ANKS6: variants seen among roughly 807,000 people sequenced by gnomAD.
ANKS6 encodes the protein ankyrin repeat and SAM domain-containing protein 6.
Under a neutral mutation model 77.9 loss-of-function variants are expected in ANKS6, and 47 were observed. The observed-to-expected ratio is 0.60, with a 90% confidence interval of 0.48 to 0.77. ANKS6 has a LOEUF of 0.77. Ranked by LOEUF, ANKS6 falls within the 30% of genes least tolerant of loss-of-function variation. The probability of loss-of-function intolerance (pLI) is 0.00; values close to 1 mark genes in which losing one functional copy is unlikely to be tolerated. For synonymous variants in ANKS6, 488 were observed against 501.7 expected (o/e 0.97, Z 0.37); for missense variants, 1,150 against 1,159.1 (o/e 0.99, Z 0.11).
chr9:98,790,544 T>C lies in ANKS6; in HGVS notation c.422A>G (p.Asn141Ser). ...AGTGAGCACACTGGCCCCCAGCCGG[T>C]TCTGGGCATTGACATCAGCCCCGTG... ...LDHGADVNAQ[N>S]RLGASVLTVA... The change falls in exon 2 of 15, where the codon AAC becomes AGC. Residue 141 changes from asparagine to serine, a missense_variant. Physicochemically the swap from Asn to Ser is conservative, Grantham distance 46 (BLOSUM62 1). Coordinates refer to ENST00000353234, the MANE Select transcript of ANKS6 (RefSeq NM_173551.5). The C allele has an allele frequency of 6.2e-7, 1 of 1,612,638 alleles. No individual in the cohort carries two copies. Among genetic ancestry groups the C allele is most frequent in the East Asian group, 2.2e-5 (1 of 44,808 alleles).
At chr9:98,787,177 C>A (rs929514997) in intron 2 of ANKS6, among the ~76,000 whole-genome samples, 1 of 152,140 alleles carries the variant, frequency 6.6e-6, no homozygotes, top group Non-Finnish European at 1.5e-5. Flanking sequence ...TTATTTATTT[C>A]ATAATCTGTC....
intron 11 of ANKS6, among the ~76,000 whole-genome samples, chr9:98,759,778 G>T (rs2117952941): frequency 6.6e-6 from 1 of 152,238 alleles, no homozygotes; most frequent in Non-Finnish European, 1.5e-5. Flanking sequence ...CTCATATGTG[G>T]AAGCTTAAAA....
chr9:98,745,811 T>C (rs1455730057), intron 13 of ANKS6, 136 bp from the exon 14 acceptor site: 4 of 662,912 alleles, frequency 6.0e-6, no homozygotes, highest in Non-Finnish European at 7.9e-6. Flanking sequence ...TTCTAAGTCC[T>C]GACTTTATGT....
At chr9:98,758,652 A>C (rs916115457) in intron 11 of ANKS6, among the ~76,000 whole-genome samples, 1 of 152,234 alleles carries the variant, frequency 6.6e-6, no homozygotes, top group Admixed American at 6.5e-5. Context: ...CTGTGTATTT[A>C]AAAGCATGCA....
chr9:98,754,476 C>T (rs1730268564), intron 12 of ANKS6, among the ~76,000 whole-genome samples: 1 of 151,938 alleles, frequency 6.6e-6, no homozygotes, highest in South Asian at 2.1e-4. Context: ...CCCGTCTCTA[C>T]TAATAATACA....
rs1835176354 is a variant in ANKS6, at chr9:98,796,344, C to G, written c.148G>C (p.Ala50Pro). ...CCGGGCCCGGCCACCTCGGCCCCCG[C>G]CGGCTCCGCGCCCGCCTCCGGCTCC... ...GAEPEAGAEP[A>P]GAEVAGPGAA... is the part of the protein sequence containing the mutation. Residue 50 changes from alanine (A) to proline (P), a missense_variant, in exon 1 of 15, where the codon GCG becomes CCG. Physicochemically the swap from Ala to Pro is conservative, Grantham distance 27. Transcript: ENST00000353234. The G allele has an allele frequency of 8.5e-7, 1 of 1,173,206 alleles. No homozygotes were observed. Among genetic ancestry groups the G allele is most frequent in the Non-Finnish European group, 1.1e-6 (1 of 951,622 alleles). The allele number at this position is 1,173,206 out of a possible 1,614,324, so 72.7% of individuals were successfully genotyped here. A position where few individuals can be genotyped will look rare whatever the true frequency, so the allele number is the denominator to read the frequency against.
intron 12 of ANKS6, 123 bp from the exon 13 acceptor site, chr9:98,751,219 G>C (rs1026627622): frequency 1.2e-6 from 1 of 806,778 alleles, no homozygotes; most frequent in Non-Finnish European, 1.9e-6. Context: ...CACCAACACA[G>C]AAAGCTGATC....
At chr9:98,794,232 G>A (rs1835059562) in intron 1 of ANKS6, among the ~76,000 whole-genome samples, 1 of 151,794 alleles carries the variant, frequency 6.6e-6, no homozygotes. Flanking sequence ...CAAAGGCACA[G>A]GGTGTCTAAT....
At chr9:98,779,015 G>A (rs907818889) in intron 6 of ANKS6, among the ~76,000 whole-genome samples, 1 of 152,186 alleles carries the variant, frequency 6.6e-6, no homozygotes, top group Admixed American at 6.5e-5. Context: ...CCTGCCTGTG[G>A]AAATGGCAGT....
chr9:98,754,133 G>A (rs971571820), intron 12 of ANKS6, among the ~76,000 whole-genome samples: 3 of 152,240 alleles, frequency 2.0e-5, no homozygotes, highest in East Asian at 3.9e-4. Context: ...GTATCCCTGT[G>A]AGTTCCCCTG....
chr9:98,784,495 C>T (rs1834457944), intron 3 of ANKS6: 1 of 395,648 alleles, frequency 2.5e-6, no homozygotes, highest in African/African-American at 2.0e-5. Context: ...TTCCTGGAAG[C>T]AGGGTCTATA....
Position 98,733,195 on chromosome 9 carries a change from G to C in ANKS6, c.*3324C>G. On this transcript the variant is annotated 3_prime_UTR_variant, in exon 15 of 15. Coordinates refer to ENST00000353234, the MANE Select transcript of ANKS6 (RefSeq NM_173551.5). Reference sequence around the variant, plus strand: ...CAGGGTAGATGCTCAGTAAACGTTCGGTAAACAAAAGAATTAAAAAATAAA... The same window carrying C: ...CAGGGTAGATGCTCAGTAAACGTTCCGTAAACAAAAGAATTAAAAAATAAA... 4 of 984,914 alleles carry C rather than the reference G, an allele frequency of 4.1e-6. No homozygotes were observed. The highest frequency in any genetic ancestry group is 4.8e-6 in the Non-Finnish European group (4 of 829,516). 61.0% of individuals were successfully genotyped at this position (984,914 alleles called of 1,614,324 possible). A position where few individuals can be genotyped will look rare whatever the true frequency, so the allele number is the denominator to read the frequency against.
rs777789448 is a variant in ANKS6 at position 98,790,188 on chromosome 9, T to C, written c.778A>G (p.Thr260Ala). ...CAGTCCAGTGCAACCTCGAAGGCGG[T>C]CTTCTCCAGCACGCTGAGGTGGTCA... ...NPDHLSVLEKTAFEVALDCKH... is the reference protein window; with the variant it reads ...NPDHLSVLEKAAFEVALDCKH... The change falls in exon 2 of 15, where the codon ACC becomes GCC. Residue 260 changes from threonine to alanine, a missense_variant. By Grantham distance (58) the Thr-to-Ala change is moderately conservative. Transcript: ENST00000353234. 2.5e-6 allele frequency: 4 copies of C among 1,602,604 alleles called. No individual in the cohort carries two copies. Among genetic ancestry groups the C allele is most frequent in the South Asian group, 2.2e-5 (2 of 90,752 alleles).
Position 98,777,695 on chromosome 9 carries a change from T to C in ANKS6, c.1568-241A>G, listed in dbSNP as rs183765218. Reference sequence around the variant, plus strand: ...TCAGACAGTGGTGCCCCCAGCTCAATAGTCTGTCTCAGACAGTGGTGCCAA... The same window carrying C: ...TCAGACAGTGGTGCCCCCAGCTCAACAGTCTGTCTCAGACAGTGGTGCCAA... On this transcript the variant is annotated intron_variant, in intron 7 of 14. Coordinates refer to ENST00000353234, the MANE Select transcript of ANKS6 (RefSeq NM_173551.5). Among the ~76,000 whole-genome samples, 5 of 152,302 alleles carry C rather than the reference T, an allele frequency of 3.3e-5. No homozygotes were observed. In the East Asian group the frequency reaches 5.8e-4, roughly 18 times the overall value.
intron 14 of ANKS6, among the ~76,000 whole-genome samples, chr9:98,738,955 G>A (rs1831656665): frequency 6.6e-6 from 1 of 152,202 alleles, no homozygotes; most frequent in African/African-American, 2.4e-5. Flanking sequence ...TGACCTGGAT[G>A]AGATTGGAGA....
rs1382435314 is a variant in ANKS6 at position 98,796,147 on chromosome 9, G to T, written c.345C>A (p.Leu115=). Residue 115 remains leucine (L), a synonymous_variant, in exon 1 of 15, where the codon CTC becomes CTA. Coordinates refer to ENST00000353234, the MANE Select transcript of ANKS6 (RefSeq NM_173551.5). The part of the protein sequence containing the change: ...NSRNHYGWSA[L]MQAARFGHVS... Reference sequence around the variant, plus strand: ...CGCCGCCTCACCTGGCCGCCTGCATGAGCGCGCTCCAGCCGTAGTGGTTGC... The same window carrying T: ...CGCCGCCTCACCTGGCCGCCTGCATTAGCGCGCTCCAGCCGTAGTGGTTGC... 1.4e-6 allele frequency: 2 copies of T among 1,392,530 alleles called. No homozygotes were observed. The highest frequency in any genetic ancestry group is 3.1e-5 in the East Asian group (1 of 32,392). The allele number at this position is 1,392,530 out of a possible 1,614,324, so 86.3% of individuals were successfully genotyped here.
chr9:98,793,196 C>G (rs1834996087), intron 1 of ANKS6, among the ~76,000 whole-genome samples: 1 of 152,178 alleles, frequency 6.6e-6, no homozygotes, highest in Admixed American at 6.5e-5. Context: ...AACCCTGTCC[C>G]TTGGAGAGAA....
At chr9:98,761,232 A>T (rs552795595) in intron 11 of ANKS6, among the ~76,000 whole-genome samples, 78 of 152,124 alleles carry the variant, frequency 5.1e-4, no homozygotes, top group Non-Finnish European at 9.6e-4. Context: ...TTTATGTTTT[A>T]TTATTGAATT....
At position 98,780,310 on chromosome 9, in the gene ANKS6, G is replaced by C; in HGVS notation, c.1247C>G (p.Ser416Cys). ...GTCTTTATTCACCTGCATGCAGACAGATGCCAGCAGTCGAACAAGTTCCGT... is the reference window on the plus strand; with the variant it reads ...GTCTTTATTCACCTGCATGCAGACACATGCCAGCAGTCGAACAAGTTCCGT... ...PDTELVRLLASVCMQVNKDKG... is the reference protein window; with the variant it reads ...PDTELVRLLACVCMQVNKDKG... Residue 416 changes from serine (S) to cysteine (C), a missense_variant, in exon 6 of 15, where the codon TCT becomes TGT. Physicochemically the swap from Ser to Cys is moderately radical, Grantham distance 112 (BLOSUM62 -1). Transcript: ENST00000353234. 6.2e-7 allele frequency: 1 copy of C among 1,605,374 alleles called. No homozygotes were observed. The highest frequency in any genetic ancestry group is 1.1e-5 in the South Asian group (1 of 89,466).
Sources: allele counts gnomAD v4.1 joint callset (sites outside exome capture counted in the v4.1 genomes callset), GRCh38; gene constraint gnomAD v4.1.1; transcripts MANE v1.5; gene names NCBI Gene and HGNC (gene_info 2026-07-23, HGNC 2026-07-21).